KDM5A: variants seen among roughly 807,000 people sequenced by gnomAD.
KDM5A encodes the protein lysine-specific demethylase 5A.
A neutral mutation model predicts 193.5 loss-of-function variants in KDM5A; 42 were observed. That is an observed-to-expected ratio of 0.22 (90% CI 0.17 to 0.28). KDM5A has a LOEUF of 0.28. Ranked by LOEUF, KDM5A falls within the 10% of genes least tolerant of loss-of-function variation. KDM5A has a pLI of 1.00. For synonymous variants in KDM5A, 796 were observed against 718.1 expected (o/e 1.11, Z -1.73); for missense variants, 1,692 against 2,055.1 (o/e 0.82, Z 3.42).
chr12:329,949 T>C (rs755918645), intron 13 of KDM5A, among the ~76,000 whole-genome samples: 41 of 151,916 alleles, frequency 2.7e-4, no homozygotes, highest in Non-Finnish European at 5.3e-4. Flanking sequence ...ATCTACAGTT[T>C]GAGAAAGGCA....
intron 24 of KDM5A, among the ~76,000 whole-genome samples, chr12:299,261 T>C (rs895854689): frequency 6.6e-6 from 1 of 152,086 alleles, no homozygotes; most frequent in East Asian, 1.9e-4. Context: ...TTCACCAATG[T>C]TGAAATGAAG....
chr12:306,831 G>A (rs1013073949), intron 24 of KDM5A, 115 bp downstream of exon 24: 4 of 1,005,964 alleles, frequency 4.0e-6, no homozygotes, highest in Non-Finnish European at 6.2e-6. Flanking sequence ...ACAGATAAAT[G>A]ATTAGTTTTC....
At chr12:289,038 C>G (rs535918209) in intron 27 of KDM5A, among the ~76,000 whole-genome samples, 1 of 152,156 alleles carries the variant, frequency 6.6e-6, no homozygotes, top group Non-Finnish European at 1.5e-5. Context: ...TGAGGCAACA[C>G]CCCCATGAAA....
At chr12:327,210 G>A (rs2137416892) in intron 14 of KDM5A, among the ~76,000 whole-genome samples, 1 of 152,302 alleles carries the variant, frequency 6.6e-6, no homozygotes, top group East Asian at 1.9e-4. Context: ...AGAGGATCAG[G>A]AGATGGGACA....
intron 14 of KDM5A, among the ~76,000 whole-genome samples, chr12:324,599 G>A (rs755005497): frequency 6.6e-6 from 1 of 152,224 alleles, no homozygotes; most frequent in African/African-American, 2.4e-5. Flanking sequence ...CAGGCAGGGT[G>A]CAGTGGGTCA....
chr12:382,486 T>C (rs1944586432), intron 3 of KDM5A, among the ~76,000 whole-genome samples: 1 of 151,662 alleles, frequency 6.6e-6, no homozygotes, highest in African/African-American at 2.4e-5. Context: ...AAGTGAAATC[T>C]TCTAAAAGTA....
chr12:378,052 A>G (rs1275262054), intron 3 of KDM5A, among the ~76,000 whole-genome samples: 1 of 152,230 alleles, frequency 6.6e-6, no homozygotes, highest in African/African-American at 2.4e-5. Flanking sequence ...AAAGTATGGG[A>G]GGATTTACAC....
intron 22 of KDM5A, among the ~76,000 whole-genome samples, chr12:309,057 G>C (rs1157504429): frequency 6.6e-6 from 1 of 152,144 alleles, no homozygotes; most frequent in African/African-American, 2.4e-5. Context: ...TAAGAGTCAA[G>C]TCTAGGAAAT....
chr12:301,575 C>T (rs1156886095), intron 24 of KDM5A, among the ~76,000 whole-genome samples: 4 of 152,158 alleles, frequency 2.6e-5, no homozygotes, highest in Non-Finnish European at 5.9e-5. Flanking sequence ...CAATATCATA[C>T]TGAATGGGTA....
chr12:338,954 C>A (rs1316820951), intron 10 of KDM5A, among the ~76,000 whole-genome samples: 11 of 152,048 alleles, frequency 7.2e-5, no homozygotes, highest in Non-Finnish European at 2.9e-5. Context: ...CCAAGGAGGG[C>A]AGATCACCTG....
intron 6 of KDM5A, among the ~76,000 whole-genome samples, chr12:355,580 T>C (rs1411842615): frequency 1.3e-5 from 2 of 152,220 alleles, no homozygotes; most frequent in African/African-American, 2.4e-5. Context: ...AATTAGGGAC[T>C]AATTTCTAAG....
chr12:334,905 C>T (rs1943907140), intron 10 of KDM5A, among the ~76,000 whole-genome samples: 1 of 151,984 alleles, frequency 6.6e-6, no homozygotes, highest in Non-Finnish European at 1.5e-5. Flanking sequence ...AACCATTATA[C>T]AAACACACCT....
intron 24 of KDM5A, among the ~76,000 whole-genome samples, chr12:299,913 A>G (rs12316998): frequency 0.3 from 40,037 of 132,328 alleles, 7,020 homozygotes; most frequent in East Asian, 0.54. Flanking sequence ...GATAAAACAG[A>G]TTTTAAACCA....
At position 284,904 on chromosome 12, in the gene KDM5A, T is replaced by C. The variant is rs368619358; in HGVS notation, c.*552A>G. The C allele has an allele frequency of 7.5e-4, 184 of 243,920 alleles. 2 individuals are homozygous for C. In the South Asian group the frequency reaches 0.013, roughly 17 times the overall value. The allele number at this position is 243,920 out of a possible 1,614,324, so 15.1% of individuals were successfully genotyped here. On this transcript the variant is annotated 3_prime_UTR_variant, in exon 28 of 28. Coordinates refer to ENST00000399788, the MANE Select transcript of KDM5A (RefSeq NM_001042603.3). ...GCACAAATCGCTGAGGTCAATAGAC[T>C]GTGATACCATTCCTTGACGTCTAAC...
At chr12:289,912 T>C (rs1003873608) in intron 27 of KDM5A, among the ~76,000 whole-genome samples, 122 of 145,380 alleles carry the variant, frequency 8.4e-4, no homozygotes, top group Admixed American at 1.6e-3. Context: ...TCTTTCTTTT[T>C]TTTTTTTTTT....
chr12:385,890 C>T lies in KDM5A; in HGVS notation c.243+7G>A. The T allele has an allele frequency of 6.2e-7, 1 of 1,611,080 alleles. No individual in the cohort carries two copies. Among genetic ancestry groups the T allele is most frequent in the Non-Finnish European group, 8.5e-7 (1 of 1,177,390 alleles). On this transcript the variant is annotated splice_region_variant and intron_variant, in intron 2 of 27. Transcript: ENST00000399788. ...TCAGGAAGCAGAAATAGTGACAAAA[C>T]ACTTACCTCAAGTTCATTCAGGCGC...
intron 3 of KDM5A, among the ~76,000 whole-genome samples, chr12:379,231 A>T (rs1163513669): frequency 1.3e-5 from 2 of 151,960 alleles, no homozygotes; most frequent in African/African-American, 4.8e-5. Flanking sequence ...TCTTTTTTTT[A>T]AAAAAGGGCA....
chr12:342,473 T>C (rs1315149363), intron 10 of KDM5A, among the ~76,000 whole-genome samples: 1 of 152,008 alleles, frequency 6.6e-6, no homozygotes, highest in Admixed American at 6.6e-5. Context: ...TTTTTTTTCC[T>C]CTTGGAGACA....
At chr12:383,966 A>C in intron 3 of KDM5A, 65 bp downstream of exon 3, 1 of 1,530,024 alleles carries the variant, frequency 6.5e-7, no homozygotes, top group Non-Finnish European at 9.0e-7. Context: ...TTTCCTACCA[A>C]ATCTATTTGA....
Sources: allele counts gnomAD v4.1 joint callset (sites outside exome capture counted in the v4.1 genomes callset), GRCh38; gene constraint gnomAD v4.1.1; transcripts MANE v1.5; gene names NCBI Gene and HGNC (gene_info 2026-07-23, HGNC 2026-07-21).